The following POSTN variants were observed in gnomAD, a reference collection of about 807,000 sequenced individuals.
POSTN encodes the protein periostin, also known as osteoblast specific factor 2 (fasciclin I-like).
In POSTN, 71 loss-of-function variants were observed where a neutral mutation model predicts 104.5. The observed-to-expected ratio is 0.68, with a 90% CI of 0.56 to 0.83. POSTN has a LOEUF of 0.83. POSTN is among the 40% of genes least tolerant of loss of function. The pLI is 0.00. For missense variants in POSTN, 949 were observed against 1,006.8 expected (o/e 0.94, Z 0.78); for synonymous variants, 355 against 340.7 (o/e 1.04, Z -0.46).
chr13:37,592,427 T>C (rs1184680011), intron 2 of POSTN, among the ~76,000 whole-genome samples: 1 of 152,010 alleles, frequency 6.6e-6, no homozygotes, highest in Admixed American at 6.5e-5. Flanking sequence ...ACCTCCCGAG[T>C]AGCTGGGACT....
At chr13:37,564,751 G>C (rs1051886506) in intron 21 of POSTN, 191 bp from the exon 22 acceptor site, 1 of 412,258 alleles carries the variant, frequency 2.4e-6, no homozygotes, top group African/African-American at 2.1e-5. Context: ...GACAGACAGT[G>C]TTTTCCATAT....
In POSTN at chr13:37,584,116, C is replaced by T. The variant is rs762385551; in HGVS notation, c.1109-13G>A. On this transcript the variant is annotated splice_polypyrimidine_tract_variant and intron_variant, in intron 8 of 22. Coordinates refer to ENST00000379747, the MANE Select transcript of POSTN (RefSeq NM_006475.3). ...ATAACTTGTTTGGCTGAAAAATAAA[C>T]CATCACCATCACAACAATGTCATCA... 4 of 1,613,128 alleles carry T rather than the reference C, an allele frequency of 2.5e-6. No individual in the cohort carries two copies. In the South Asian group the frequency reaches 4.4e-5, roughly 18 times the overall value.
chr13:37,578,758 C>G, intron 15 of POSTN, 86 bp downstream of exon 15: 3 of 1,142,262 alleles, frequency 2.6e-6, no homozygotes, highest in Non-Finnish European at 3.6e-6. Flanking sequence ...GAGATCATGC[C>G]ACTGCACTAC....
At chr13:37,586,372 G>T in intron 6 of POSTN, 92 bp from the exon 7 acceptor site, 1 of 1,309,328 alleles carries the variant, frequency 7.6e-7, no homozygotes, top group Non-Finnish European at 1.1e-6. Flanking sequence ...TGAAGGAGCT[G>T]ATTCCTACAC....
At chr13:37,566,665 G>A (rs9547957) in intron 21 of POSTN, among the ~76,000 whole-genome samples, 107,680 of 152,084 alleles carry the variant, frequency 0.71, 38,545 homozygotes, top group East Asian at 0.84. Context: ...AACCTCTTAT[G>A]TTGGCAGATT....
In POSTN at chr13:37,563,341, A is replaced by C; in HGVS notation, c.2503T>G (p.Ser835Ala). Residue 835 changes from serine to alanine, a missense_variant, in exon 23 of 23, where the codon TCT becomes GCT. Ser to Ala is a moderately conservative substitution (Grantham distance 99). Transcript: ENST00000379747. ...GSRRRLREGR[S>A]Q Reference sequence around the variant, plus strand: ...TTCTGGTTTTTGGATTTTCACTGAGAACGACCTTCCCTTAATCGTCTTCTA... The same window carrying C: ...TTCTGGTTTTTGGATTTTCACTGAGCACGACCTTCCCTTAATCGTCTTCTA... 1 of 1,588,766 alleles carries C rather than the reference A, an allele frequency of 6.3e-7. No homozygotes were observed. The highest frequency in any genetic ancestry group is 8.6e-7 in the Non-Finnish European group (1 of 1,160,224).
rs1449613372 is a variant in POSTN, at chr13:37,569,288, C to T, written c.2431+12G>A. ...ACCTGTTAAGGGGGTTAGTTGTTGTCCTTTTACTAACCTCCCTGAAGCAGT... is the reference window on the plus strand; with the variant it reads ...ACCTGTTAAGGGGGTTAGTTGTTGTTCTTTTACTAACCTCCCTGAAGCAGT... On this transcript the variant is annotated intron_variant, in intron 21 of 22. Transcript: ENST00000379747. The T allele has an allele frequency of 6.3e-7, 1 of 1,593,042 alleles. No homozygotes were observed. The highest frequency in any genetic ancestry group is 1.7e-5 in the Admixed American group (1 of 59,790).
chr13:37,574,298 GA>G (rs1398609708), intron 17 of POSTN, among the ~76,000 whole-genome samples: 1 of 151,666 alleles, frequency 6.6e-6, no homozygotes, highest in Non-Finnish European at 1.5e-5. Context: ...TTTGTTTAGT[GA>G]GTATCTGTAT....
In POSTN at chr13:37,580,006, T is replaced by C. The variant is rs375829797; in HGVS notation, c.1530-15A>G. Reference sequence around the variant, plus strand: ...TGAGGAAGGTGCTAAGTGGGAAGAATGTATATGTATTTTGTCAGATTTAGA... The same window carrying C: ...TGAGGAAGGTGCTAAGTGGGAAGAACGTATATGTATTTTGTCAGATTTAGA... On this transcript the variant is annotated splice_polypyrimidine_tract_variant and intron_variant, in intron 11 of 22. Coordinates refer to ENST00000379747, the MANE Select transcript of POSTN (RefSeq NM_006475.3). 1.2e-5 allele frequency: 20 copies of C among 1,608,704 alleles called. No individual in the cohort carries two copies. The highest frequency in any genetic ancestry group is 1.6e-5 in the Non-Finnish European group (19 of 1,176,672).
At chr13:37,567,990 A>G (rs541881982) in intron 21 of POSTN, among the ~76,000 whole-genome samples, 1 of 144,782 alleles carries the variant, frequency 6.9e-6, no homozygotes, top group African/African-American at 2.6e-5. Flanking sequence ...AAAGCTGCTT[A>G]CTATGGCAAG....
intron 5 of POSTN, among the ~76,000 whole-genome samples, chr13:37,587,421 A>ACTTTT (rs2138334359): frequency 6.6e-6 from 1 of 152,296 alleles, no homozygotes; most frequent in African/African-American, 2.4e-5. Context: ...AAGTCCTATG[A>ACTTTT]CCCTGTTGGC....
At chr13:37,563,445 T>C in intron 22 of POSTN, 75 bp from the exon 23 acceptor site, 1 of 901,070 alleles carries the variant, frequency 1.1e-6, no homozygotes, top group Middle Eastern at 3.7e-4. Flanking sequence ...TATTATTCTC[T>C]GTATATCTAT....
rs1411926523 is a variant in POSTN, at chr13:37,584,774, A to G, written c.1050T>C (p.Asp350=). The G allele has an allele frequency of 6.2e-7, 1 of 1,613,886 alleles. No individual in the cohort carries two copies. Among genetic ancestry groups the G allele is most frequent in the South Asian group, 1.1e-5 (1 of 91,082 alleles). The change falls in exon 8 of 23, where the codon GAT becomes GAC. Residue 350 remains aspartate, a synonymous_variant. Coordinates refer to ENST00000379747, the MANE Select transcript of POSTN (RefSeq NM_006475.3). ...GGATCACACCATTATTTGTCACAAT[A>G]TCCTTTTTGTTCACCATTTTGATTC... ...VNGIKMVNKK[D]IVTNNGVIHL...
chr13:37,596,073 G>T (rs1951078099), intron 2 of POSTN, among the ~76,000 whole-genome samples: 1 of 152,048 alleles, frequency 6.6e-6, no homozygotes, highest in Non-Finnish European at 1.5e-5. Context: ...AAAGTGCTGG[G>T]ATTACAGGTG....
intron 4 of POSTN, 110 bp downstream of exon 4, chr13:37,590,262 G>A: frequency 1.2e-6 from 1 of 849,144 alleles, no homozygotes; most frequent in Non-Finnish European, 1.8e-6. Context: ...TCTCATATAT[G>A]TACAATAGAA....
intron 9 of POSTN, among the ~76,000 whole-genome samples, chr13:37,583,453 T>TC (rs1950658458): frequency 6.7e-6 from 1 of 150,350 alleles, no homozygotes; most frequent in South Asian, 2.1e-4. Context: ...GTTTTTTTTT[T>TC]TTTTTTGAGA....
chr13:37,579,952 C>A lies in POSTN; in HGVS notation c.1569G>T (p.Glu523Asp). Residue 523 changes from glutamate (E) to aspartate (D), a missense_variant, in exon 12 of 23, where the codon GAG becomes GAT. Physicochemically the swap from Glu to Asp is conservative, Grantham distance 45. Coordinates refer to ENST00000379747, the MANE Select transcript of POSTN (RefSeq NM_006475.3). ...TCCAGTCTCCAGGTTGTGTCAGGAG[C>A]TCTTTCAAGTCTGCAGCTTCAAGTA... ...LSLLEAADLK[E>D]LLTQPGDWTL... The A allele has an allele frequency of 6.2e-7, 1 of 1,613,542 alleles. No homozygotes were observed. The highest frequency in any genetic ancestry group is 8.5e-7 in the Non-Finnish European group (1 of 1,179,500).
chr13:37,583,823 T>A, intron 9 of POSTN, 146 bp downstream of exon 9: 1 of 832,344 alleles, frequency 1.2e-6, no homozygotes. Context: ...GTAGAGACCA[T>A]GTAGTGTTAA....
At chr13:37,577,684 C>T in intron 16 of POSTN, 69 bp downstream of exon 16, 1 of 1,566,956 alleles carries the variant, frequency 6.4e-7, no homozygotes, top group Admixed American at 1.9e-5. Context: ...TCTGTAAATA[C>T]AAAGAAATGT....
Sources: allele counts gnomAD v4.1 joint callset (sites outside exome capture counted in the v4.1 genomes callset), GRCh38; gene constraint gnomAD v4.1.1; transcripts MANE v1.5; gene names NCBI Gene and HGNC (gene_info 2026-07-23, HGNC 2026-07-21).